UTP18: variants seen among roughly 807,000 people sequenced by gnomAD.
The protein encoded by UTP18 is UTP18 small subunit processome component.
Under a neutral mutation model 61.1 loss-of-function variants are expected in UTP18, and 36 were observed. The ratio of observed to expected loss-of-function variants is 0.59; its 90% CI spans 0.45 to 0.78. The LOEUF (loss-of-function observed/expected upper bound fraction) is 0.78, where lower values mean the gene tolerates loss of function less well. Ranked by LOEUF, UTP18 falls within the 30% of genes least tolerant of loss-of-function variation. The pLI is 0.00. For missense variants in UTP18, 753 were observed against 693.9 expected, an observed-to-expected ratio of 1.09 and a Z score of -0.96; for synonymous variants, 282 against 251.1, an observed-to-expected ratio of 1.12 and a Z score of -1.16.
intron 9 of UTP18, among the ~76,000 whole-genome samples, chr17:51,281,164 A>ATATATATATATT (rs59857038): frequency 7.1e-6 from 1 of 140,436 alleles, no homozygotes; most frequent in African/African-American, 2.7e-5. Context: ...ATATATATAT[A>ATATATATATATT]TTTTTTTTAA....
At chr17:51,293,003 A>G (rs927619654) in intron 11 of UTP18, among the ~76,000 whole-genome samples, 1 of 152,246 alleles carries the variant, frequency 6.6e-6, no homozygotes, top group African/African-American at 2.4e-5. Flanking sequence ...AGTAGAATAT[A>G]TGTGGTATGA....
At position 51,260,628 on chromosome 17, in the gene UTP18, C is replaced by G. The variant is rs376256071; in HGVS notation, c.44C>G (p.Thr15Ser). The G allele has an allele frequency of 9.3e-6, 15 of 1,612,560 alleles. No homozygotes were observed. In the African/African-American group the frequency reaches 1.7e-4, roughly 19 times the overall value. The change falls in exon 1 of 14, where the codon ACC becomes AGC. Residue 15 changes from threonine (T) to serine (S), a missense_variant. Physicochemically the swap from Thr to Ser is moderately conservative, Grantham distance 58. Transcript: ENST00000225298. Reference protein sequence around the residue: ...RRRRMKLDRRTGAKPKRKPGM... With the variant: ...RRRRMKLDRRSGAKPKRKPGM... ...AGACGAATGAAACTGGACCGGAGAA[C>G]CGGAGCGAAGCCGAAGCGGAAGCCC...
chr17:51,269,328 C>CAAAAAAAAA (rs1403113098), intron 4 of UTP18, among the ~76,000 whole-genome samples: 2 of 100,454 alleles, frequency 2.0e-5, no homozygotes, highest in African/African-American at 7.3e-5. Context: ...AAAAAAAAAC[C>CAAAAAAAAA]AAAAAAATCT....
At position 51,288,195 on chromosome 17, in the gene UTP18, G is replaced by A; in HGVS notation, c.1495G>A (p.Val499Ile). 1 of 1,583,214 alleles carries A rather than the reference G, an allele frequency of 6.3e-7. No individual in the cohort carries two copies. Among genetic ancestry groups the A allele is most frequent in the Non-Finnish European group, 8.5e-7 (1 of 1,171,718 alleles). The change falls in exon 11 of 14, where the codon GTC becomes ATC. Residue 499 changes from valine to isoleucine, a missense_variant. Val to Ile is a conservative substitution (Grantham distance 29, BLOSUM62 3). Transcript: ENST00000225298. ...TGCTTCAGAAAAAATGAAAGAAGCA[G>A]TCAGATTGGTAAATATTTCATTACC... The part of the protein sequence containing the change: ...AIASEKMKEA[V>I]RLVHLPSCTV...
At chr17:51,268,000 G>GTT (rs1904356519) in intron 3 of UTP18, among the ~76,000 whole-genome samples, 1 of 142,666 alleles carries the variant, frequency 7.0e-6, no homozygotes, top group South Asian at 2.1e-4. Context: ...TTGTTTTTTT[G>GTT]TTTTTTGTTT....
intron 11 of UTP18, among the ~76,000 whole-genome samples, chr17:51,291,843 A>C (rs940137614): frequency 6.6e-6 from 1 of 152,198 alleles, no homozygotes; most frequent in East Asian, 1.9e-4. Context: ...CCAAACTTCA[A>C]AGTCATTCCA....
intron 8 of UTP18, 88 bp from the exon 9 acceptor site, chr17:51,280,301 A>T: frequency 6.9e-7 from 1 of 1,455,950 alleles, no homozygotes; most frequent in Non-Finnish European, 9.4e-7. Flanking sequence ...GGTGCTAGAA[A>T]ATAGAGAACT....
At chr17:51,278,774 C>T (rs550745361) in intron 7 of UTP18, among the ~76,000 whole-genome samples, 16 of 152,286 alleles carry the variant, frequency 1.1e-4, no homozygotes, top group Middle Eastern at 6.8e-3. Flanking sequence ...TCAGTACATA[C>T]GGTTTATTCA....
At chr17:51,283,925 G>C (rs1905031283) in intron 9 of UTP18, among the ~76,000 whole-genome samples, 1 of 151,938 alleles carries the variant, frequency 6.6e-6, no homozygotes, top group Non-Finnish European at 1.5e-5. Context: ...ATCTCATGTT[G>C]CCTTTTTTGC....
chr17:51,288,345 T>C (rs892983844), intron 11 of UTP18, 142 bp downstream of exon 11: 4 of 893,626 alleles, frequency 4.5e-6, no homozygotes, highest in African/African-American at 3.4e-5. Context: ...ATTGTAGCTT[T>C]TGGATGTGGT....
At chr17:51,267,830 A>G (rs1209317580) in intron 3 of UTP18, among the ~76,000 whole-genome samples, 1 of 152,028 alleles carries the variant, frequency 6.6e-6, no homozygotes, top group Non-Finnish European at 1.5e-5. Context: ...GAGGGATCAC[A>G]GTCCTATGCT....
chr17:51,286,877 G>GTTACATATGTATA (rs1212467553), intron 10 of UTP18, among the ~76,000 whole-genome samples: 1 of 151,992 alleles, frequency 6.6e-6, no homozygotes, highest in Non-Finnish European at 1.5e-5. Flanking sequence ...TGCATAACGT[G>GTTACATATGTATA]CAGGTTTGTT....
intron 1 of UTP18, 100 bp downstream of exon 1, chr17:51,261,026 G>T: frequency 8.6e-7 from 1 of 1,162,858 alleles, no homozygotes; most frequent in South Asian, 2.8e-5. Flanking sequence ...TGCGGCGGCG[G>T]GGAGCGCTCA....
chr17:51,272,671 A>C (rs1904568206), intron 4 of UTP18, among the ~76,000 whole-genome samples: 1 of 152,206 alleles, frequency 6.6e-6, no homozygotes, highest in Non-Finnish European at 1.5e-5. Flanking sequence ...GTGAAGCAGA[A>C]TTTCAGTTTT....
chr17:51,297,766 TTTG>T lies in UTP18; in HGVS notation c.*15-13_*15-11del, dbSNP rs759092006. 1.3e-4 allele frequency: 57 copies of T among 433,854 alleles called. No homozygotes were observed. Among genetic ancestry groups the T allele is most frequent in the Non-Finnish European group, 2.3e-5 (5 of 219,504 alleles). 26.9% of individuals were successfully genotyped at this position (433,854 alleles called of 1,614,324 possible). A position where few individuals can be genotyped will look rare whatever the true frequency, so the allele number is the denominator to read the frequency against. ...GCTATAAATCAGGTATGTAATTTCT[TTTG>T]TTCTTTCCTCAGGTCCAGTTGAGTC... On this transcript the variant is annotated splice_polypyrimidine_tract_variant and intron_variant, in intron 13 of 13. Coordinates refer to ENST00000225298, the MANE Select transcript of UTP18 (RefSeq NM_016001.3).
chr17:51,275,760 G>A, intron 5 of UTP18, 106 bp from the exon 6 acceptor site: 1 of 983,480 alleles, frequency 1.0e-6, no homozygotes, highest in Non-Finnish European at 1.3e-6. Context: ...CCATTCCAGT[G>A]CATTTTTTTC....
Position 51,288,197 on chromosome 17 carries a change from C to T in UTP18, c.1497C>T (p.Val499=), listed in dbSNP as rs182343319. 1.3e-4 allele frequency: 206 copies of T among 1,582,094 alleles called. 1 individual carries two copies. In the East Asian group the frequency reaches 1.9e-3, roughly 15 times the overall value. The change falls in exon 11 of 14, where the codon GTC becomes GTT. Residue 499 remains valine, a synonymous_variant. Transcript: ENST00000225298. ...CTTCAGAAAAAATGAAAGAAGCAGT[C>T]AGATTGGTAAATATTTCATTACCCC... ...AIASEKMKEA[V]RLVHLPSCTV... is the part of the protein sequence containing the mutation.
Position 51,293,986 on chromosome 17 carries a change from T to G in UTP18, c.1587T>G (p.Phe529Leu). ...KNISHVHTMD[F>L]SPRSGYFALG... is the part of the protein sequence containing the mutation. ...TTTCTCATGTTCATACCATGGATTT[T>G]TCTCCGAGAAGTGGATACTTTGCCT... The change falls in exon 12 of 14, where the codon TTT becomes TTG. Residue 529 changes from phenylalanine (F) to leucine (L), a missense_variant. Physicochemically the swap from Phe to Leu is conservative, Grantham distance 22. Coordinates refer to ENST00000225298, the MANE Select transcript of UTP18 (RefSeq NM_016001.3). The G allele has an allele frequency of 6.2e-7, 1 of 1,611,238 alleles. No individual in the cohort carries two copies. Among genetic ancestry groups the G allele is most frequent in the Non-Finnish European group, 8.5e-7 (1 of 1,178,624 alleles).
chr17:51,280,360 A>C (rs1904871639), intron 8 of UTP18, 29 bp from the exon 9 acceptor site: 3 of 1,604,668 alleles, frequency 1.9e-6, no homozygotes, highest in East Asian at 2.2e-5. Context: ...ACTTTCTAAC[A>C]GTTTGATAAA....
Sources: gnomAD v4.1 joint callset for allele counts (sites outside exome capture counted in the v4.1 genomes callset) on GRCh38, gnomAD v4.1.1 for gene constraint, MANE v1.5 for transcripts, NCBI Gene and HGNC (gene_info 2026-07-23, HGNC 2026-07-21) for gene names.